NR3C1: variants seen among roughly 807,000 people sequenced by gnomAD.
The protein encoded by NR3C1 is glucocorticoid receptor.
In NR3C1, 14 loss-of-function variants were observed where a neutral mutation model predicts 74.0. The observed-to-expected ratio is 0.19, with a 90% CI of 0.12 to 0.30. The LOEUF is 0.30. Among genes scored for constraint, NR3C1 ranks in the 10% least tolerant of loss-of-function variants. The probability of loss-of-function intolerance (pLI) is 1.00; values close to 1 mark genes in which losing one functional copy is unlikely to be tolerated. For missense variants in NR3C1, 695 were observed against 909.8 expected (o/e 0.76, Z 3.04); for synonymous variants, 308 against 332.5 (o/e 0.93, Z 0.80).
chr5:143,380,274 G>T (rs1835945791), intron 2 of NR3C1, among the ~76,000 whole-genome samples: 1 of 152,168 alleles, frequency 6.6e-6, no homozygotes, highest in Non-Finnish European at 1.5e-5. Context: ...TCAAGAATTT[G>T]CTAGGTGCTT....
intron 2 of NR3C1, among the ~76,000 whole-genome samples, chr5:143,319,652 C>T (rs1822927777): frequency 6.6e-6 from 1 of 152,150 alleles, no homozygotes. Flanking sequence ...ATGCTATTGG[C>T]ATCTAAGTGA....
At chr5:143,406,713 A>G (rs1440951022), upstream of NR3C1, among the ~76,000 whole-genome samples, 3 of 152,216 alleles carry the variant, frequency 2.0e-5, no homozygotes, top group Admixed American at 1.3e-4. Context: ...ATGCTTGTCT[A>G]AGTTCACATG....
intron 7 of NR3C1, among the ~76,000 whole-genome samples, chr5:143,291,648 G>A (rs1815982298): frequency 6.6e-6 from 1 of 152,172 alleles, no homozygotes; most frequent in African/African-American, 2.4e-5. Context: ...TACTGATACA[G>A]CTGGATTAAT....
chr5:143,390,481 G>A (rs955750343), intron 2 of NR3C1, among the ~76,000 whole-genome samples: 2 of 152,096 alleles, frequency 1.3e-5, no homozygotes, highest in East Asian at 3.8e-4. Flanking sequence ...CCAAATTCAA[G>A]TCCAAGCCAA....
chr5:143,390,970 G>A (rs568429315), intron 2 of NR3C1, among the ~76,000 whole-genome samples: 1 of 152,030 alleles, frequency 6.6e-6, no homozygotes, highest in Non-Finnish European at 1.5e-5. Context: ...TCTGAAGGCA[G>A]TTTCAAAGAG....
intron 4 of NR3C1, among the ~76,000 whole-genome samples, chr5:143,301,454 T>G (rs1022239377): frequency 2.6e-5 from 4 of 152,100 alleles, no homozygotes; most frequent in African/African-American, 9.7e-5. Context: ...AGTGGGAAAT[T>G]TCCCTTTTAT....
At position 143,389,856 on chromosome 5, in the gene NR3C1, C is replaced by T. The variant is rs748718331; in HGVS notation, c.1184+9800G>A. 8.9e-6 allele frequency: 6 copies of T among 675,108 alleles called. No homozygotes were observed. In the African/African-American group the frequency reaches 9.8e-5, roughly 11 times the overall value. 41.8% of individuals were successfully genotyped at this position (675,108 alleles called of 1,614,324 possible). ...GGCAAATAAAGCAGTGCAGAGAAAA[C>T]CTGTTAGCAGTAAAACATTACCTGC... On this transcript the variant is annotated intron_variant, in intron 2 of 8. Transcript: ENST00000394464.
At chr5:143,402,991 C>T (rs1186727492) in intron 1 of NR3C1, among the ~76,000 whole-genome samples, 1 of 151,684 alleles carries the variant, frequency 6.6e-6, no homozygotes, top group Non-Finnish European at 1.5e-5. Flanking sequence ...CCCCTCGGCC[C>T]GGCCAGGGGA....
At chr5:143,432,185 G>A (rs900838052) in intron 1 of NR3C1, among the ~76,000 whole-genome samples, 13 of 152,360 alleles carry the variant, frequency 8.5e-5, no homozygotes, top group Non-Finnish European at 1.6e-4. Context: ...AGCACCAAGT[G>A]TGTTCATCTC....
At chr5:143,333,307 A>C in intron 2 of NR3C1, 4 of 713,186 alleles carry the variant, frequency 5.6e-6, no homozygotes, top group Middle Eastern at 3.8e-4. Flanking sequence ...TTGCCACTTT[A>C]CAAGTTCTTT....
intron 4 of NR3C1, among the ~76,000 whole-genome samples, chr5:143,305,387 T>C (rs1451265948): frequency 1.3e-5 from 2 of 152,154 alleles, no homozygotes; most frequent in Non-Finnish European, 2.9e-5. Context: ...AGCAATCCTA[T>C]TGCTGGGAAT....
intron 4 of NR3C1, among the ~76,000 whole-genome samples, chr5:143,303,952 A>G (rs1819049427): frequency 1.3e-5 from 2 of 152,102 alleles, no homozygotes; most frequent in African/African-American, 2.4e-5. Context: ...ATGACAAACC[A>G]ACAGCCAACA....
chr5:143,349,854 TA>T (rs1459495531), intron 2 of NR3C1, among the ~76,000 whole-genome samples: 1 of 152,090 alleles, frequency 6.6e-6, no homozygotes, highest in African/African-American at 2.4e-5. Flanking sequence ...AATGCTAGGA[TA>T]GGGGACACAC....
intron 7 of NR3C1, chr5:143,294,962 C>T: frequency 2.0e-6 from 2 of 985,392 alleles, no homozygotes; most frequent in Non-Finnish European, 2.4e-6. Flanking sequence ...TTGCCATTTT[C>T]TAGATAATGA....
intron 2 of NR3C1, among the ~76,000 whole-genome samples, chr5:143,388,495 G>C (rs1388790173): frequency 6.6e-6 from 1 of 152,212 alleles, no homozygotes; most frequent in Non-Finnish European, 1.5e-5. Context: ...CTGGCATACA[G>C]GAGTAAGCAA....
At chr5:143,314,217 C>A in intron 2 of NR3C1, 49 bp from the exon 3 acceptor site, 1 of 1,587,114 alleles carries the variant, frequency 6.3e-7, no homozygotes, top group South Asian at 1.1e-5. Flanking sequence ...AAAGGAATAT[C>A]AAAATACAGT....
In NR3C1 at chr5:143,400,317, C is replaced by T. The variant is rs778030389; in HGVS notation, c.523G>A (p.Gly175Ser). The change falls in exon 2 of 9, where the codon GGC becomes AGC. Residue 175 changes from glycine (G) to serine (S), a missense_variant. Transcript: ENST00000394464. ...SEQQHLKGQT[G>S]TNGGNVKLYT... ...AATTTCACATTGCCACCGTTGGTGC[C>T]AGTCTGGCCCTTCAAATGTTGCTGT... is the stretch of plus-strand genomic sequence containing the variant. The T allele has an allele frequency of 4.3e-6, 7 of 1,611,508 alleles. No individual in the cohort carries two copies. The highest frequency in any genetic ancestry group is 2.2e-5 in the East Asian group (1 of 44,850).
At chr5:143,395,774 G>A in intron 2 of NR3C1, among the ~76,000 whole-genome samples, 1 of 151,886 alleles carries the variant, frequency 6.6e-6, no homozygotes, top group East Asian at 1.9e-4. Context: ...CTGCAGGCCA[G>A]AGTAGACTAA....
chr5:143,287,501 CAAAT>C lies in NR3C1; in HGVS notation c.2024-4780_2024-4777del, dbSNP rs1814770954. 2.6e-5 allele frequency among the ~76,000 whole-genome samples: 4 copies of C among 152,026 alleles called. 1 individual carries two copies. In the South Asian group the frequency reaches 8.3e-4, roughly 32 times the overall value. On this transcript the variant is annotated intron_variant, in intron 7 of 8. Coordinates refer to ENST00000394464, the MANE Select transcript of NR3C1 (RefSeq NM_000176.3). Reference sequence around the variant, plus strand: ...ATAAATTCTGAATAGATCTATATAACAAATAAGCAAATAATTAAAAATCTTCCCT... The same window carrying C: ...ATAAATTCTGAATAGATCTATATAACAAGCAAATAATTAAAAATCTTCCCT...
Sources: gnomAD v4.1 joint callset for allele counts (sites outside exome capture counted in the v4.1 genomes callset) on GRCh38, gnomAD v4.1.1 for gene constraint, MANE v1.5 for transcripts, NCBI Gene and HGNC (gene_info 2026-07-23, HGNC 2026-07-21) for gene names.